The following RYK variants were observed in gnomAD, a reference collection of about 807,000 sequenced individuals.
RYK encodes the protein receptor like tyrosine kinase, also known as inactive tyrosine-protein kinase RYK.
Under a neutral mutation model 70.2 loss-of-function variants are expected in RYK, and 21 were observed. The observed-to-expected ratio is 0.30, with a 90% CI of 0.21 to 0.43. The LOEUF (loss-of-function observed/expected upper bound fraction) is 0.43. RYK is among the 20% of genes least tolerant of loss of function. The pLI is 1.00. For missense variants in RYK, 604 were observed against 753.3 expected (o/e 0.80, Z 2.32); for synonymous variants, 267 against 278.0 (o/e 0.96, Z 0.39).
At chr3:134,243,768 C>T (rs541346984) in intron 1 of RYK, among the ~76,000 whole-genome samples, 1 of 152,224 alleles carries the variant, frequency 6.6e-6, no homozygotes, top group South Asian at 2.1e-4. Flanking sequence ...TTCCTAAACT[C>T]TCTAAGCCTG....
At position 134,234,321 on chromosome 3, in the gene RYK, C is replaced by T. The variant is rs554144094; in HGVS notation, c.233-11782G>A. Among the ~76,000 whole-genome samples the T allele has an allele frequency of 2.5e-4, 38 of 152,192 alleles. 1 individual carries two copies. In the South Asian group the frequency reaches 2.7e-3, roughly 11 times the overall value. ...TATCTTTGGTATATTAATGTTAACA[C>T]CAGTAATGATAAATTATTAATGATT... On this transcript the variant is annotated intron_variant, in intron 1 of 14. Coordinates refer to ENST00000623711, the MANE Select transcript of RYK (RefSeq NM_002958.4).
chr3:134,157,334 C>G lies in RYK; in HGVS notation c.*819G>C, dbSNP rs2012278540. On this transcript the variant is annotated 3_prime_UTR_variant, in exon 15 of 15. Transcript: ENST00000623711. Reference sequence around the variant, plus strand: ...TCTTAACCTTAGAAATATGAGTTCACTTTCTGGAATTGTATTATCTCCTTT... The same window carrying G: ...TCTTAACCTTAGAAATATGAGTTCAGTTTCTGGAATTGTATTATCTCCTTT... 1 of 152,328 alleles carries G rather than the reference C, an allele frequency of 6.6e-6. No individual in the cohort carries two copies. The highest frequency in any genetic ancestry group is 6.5e-5 in the Admixed American group (1 of 15,286). The allele number at this position is 152,328 out of a possible 1,614,324, so 9.4% of individuals were successfully genotyped here.
At chr3:134,158,405 T>C (rs955452829) in intron 14 of RYK, 141 bp from the exon 15 acceptor site, 2 of 410,894 alleles carry the variant, frequency 4.9e-6, no homozygotes, top group East Asian at 3.5e-5. Context: ...CATTTTACTA[T>C]CTGTTGGCAG....
intron 1 of RYK, among the ~76,000 whole-genome samples, chr3:134,244,665 G>A (rs1018064645): frequency 1.3e-5 from 2 of 152,168 alleles, no homozygotes; most frequent in African/African-American, 2.4e-5. Context: ...AGCTTTCGGT[G>A]TTTCAGAACT....
chr3:134,159,508 A>C (rs2012378873), intron 13 of RYK, 135 bp from the exon 14 acceptor site: 1 of 764,514 alleles, frequency 1.3e-6, no homozygotes, highest in African/African-American at 1.8e-5. Flanking sequence ...TTTACAAAAA[A>C]ATGTCTATCA....
chr3:134,184,394 A>G (rs1206486187), intron 9 of RYK, among the ~76,000 whole-genome samples: 6 of 152,134 alleles, frequency 3.9e-5, no homozygotes, highest in Non-Finnish European at 8.8e-5. Context: ...AGGATTCCTC[A>G]TCTTATAGGG....
intron 1 of RYK, among the ~76,000 whole-genome samples, chr3:134,238,003 A>C (rs2015234779): frequency 6.6e-6 from 1 of 152,234 alleles, no homozygotes; most frequent in South Asian, 2.1e-4. Context: ...AAAGTAAACA[A>C]GGAGCTCTTA....
intron 11 of RYK, 78 bp from the exon 12 acceptor site, chr3:134,176,117 A>G: frequency 1.2e-6 from 1 of 812,726 alleles, no homozygotes; most frequent in Non-Finnish European, 2.0e-6. Context: ...TTATTCCACA[A>G]TCCTACTCCA....
intron 2 of RYK, among the ~76,000 whole-genome samples, chr3:134,213,600 T>A (rs751240056): frequency 1.3e-5 from 2 of 152,048 alleles, no homozygotes; most frequent in Non-Finnish European, 2.9e-5. Context: ...CCTCCTACAC[T>A]CTCTGCCTCT....
chr3:134,161,797 G>A (rs935476978), intron 13 of RYK, among the ~76,000 whole-genome samples: 14 of 151,052 alleles, frequency 9.3e-5, no homozygotes, highest in Non-Finnish European at 2.1e-4. Context: ...ACTCAACACT[G>A]TTTGGTGAAT....
At chr3:134,213,199 C>A (rs539479293) in intron 2 of RYK, among the ~76,000 whole-genome samples, 25 of 152,304 alleles carry the variant, frequency 1.6e-4, no homozygotes, top group African/African-American at 6.0e-4. Flanking sequence ...TATCTCTGAA[C>A]AGGACCATAC....
At chr3:134,211,739 A>T in intron 2 of RYK, 132 bp from the exon 3 acceptor site, 1 of 620,050 alleles carries the variant, frequency 1.6e-6, no homozygotes, top group Non-Finnish European at 2.8e-6. Context: ...GCTATAAAAA[A>T]ATGCAAATTG....
intron 1 of RYK, among the ~76,000 whole-genome samples, chr3:134,230,196 C>G (rs1449311306): frequency 6.6e-6 from 1 of 152,196 alleles, no homozygotes; most frequent in African/African-American, 2.4e-5. Context: ...AAGCGATTCT[C>G]CTGCTTCAGC....
At chr3:134,214,106 C>T (rs559848309) in intron 2 of RYK, among the ~76,000 whole-genome samples, 88 of 152,262 alleles carry the variant, frequency 5.8e-4, no homozygotes, top group Middle Eastern at 3.4e-3. Context: ...CGCGCCCGGC[C>T]GAAGCTCACA....
intron 1 of RYK, among the ~76,000 whole-genome samples, chr3:134,241,670 T>A (rs1042343293): frequency 2.0e-5 from 3 of 152,214 alleles, no homozygotes; most frequent in Non-Finnish European, 2.9e-5. Flanking sequence ...TGTTAAAGCT[T>A]CTCAGATGAT....
intron 6 of RYK, among the ~76,000 whole-genome samples, chr3:134,200,598 G>A (rs1238366852): frequency 1.3e-5 from 2 of 152,190 alleles, no homozygotes; most frequent in African/African-American, 4.8e-5. Context: ...TTCATAAAAT[G>A]CCATTTACTA....
At chr3:134,165,133 T>C (rs2012616597) in intron 13 of RYK, among the ~76,000 whole-genome samples, 1 of 152,234 alleles carries the variant, frequency 6.6e-6, no homozygotes, top group Non-Finnish European at 1.5e-5. Flanking sequence ...GATTTATTCC[T>C]GAGAACTTCG....
At chr3:134,204,758 T>C (rs2014153789) in intron 5 of RYK, among the ~76,000 whole-genome samples, 1 of 152,142 alleles carries the variant, frequency 6.6e-6, no homozygotes, top group Non-Finnish European at 1.5e-5. Context: ...AGTACTCACA[T>C]CATAACTCTA....
intron 13 of RYK, among the ~76,000 whole-genome samples, chr3:134,160,148 G>C (rs1164510830): frequency 6.6e-6 from 1 of 152,164 alleles, no homozygotes; most frequent in Non-Finnish European, 1.5e-5. Context: ...TGAGGAGGGG[G>C]ATACCTGTGT....
Sources: gnomAD v4.1 joint callset for allele counts (sites outside exome capture counted in the v4.1 genomes callset) on GRCh38, gnomAD v4.1.1 for gene constraint, MANE v1.5 for transcripts, NCBI Gene and HGNC (gene_info 2026-07-23, HGNC 2026-07-21) for gene names.